The following DOCK9 variants were observed in gnomAD, a reference collection of about 807,000 sequenced individuals.
DOCK9 encodes dedicator of cytokinesis protein 9.
A neutral mutation model predicts 263.3 loss-of-function variants in DOCK9; 89 were observed. The ratio of observed to expected loss-of-function variants is 0.34; its 90% confidence interval spans 0.28 to 0.40. The LOEUF is 0.40. Ranked by LOEUF, DOCK9 falls within the 10% of genes least tolerant of loss-of-function variation. The probability of loss-of-function intolerance (pLI) is 1.00; values close to 1 mark genes in which losing one functional copy is unlikely to be tolerated. For missense variants in DOCK9, 2,140 were observed against 2,603.4 expected, an observed-to-expected ratio of 0.82 and a Z score of 3.87; for synonymous variants, 976 against 973.1, an observed-to-expected ratio of 1.00 and a Z score of -0.06.
chr13:98,901,668 T>C, intron 13 of DOCK9, 110 bp downstream of exon 13: 1 of 1,243,826 alleles, frequency 8.0e-7, no homozygotes, highest in Non-Finnish European at 1.1e-6. Context: ...CTACATCTTT[T>C]AGAGTATAAA....
chr13:98,921,034 A>T lies in DOCK9; in HGVS notation c.637T>A (p.Leu213Met), dbSNP rs752934141. The T allele has an allele frequency of 5.0e-6, 8 of 1,602,180 alleles. No homozygotes were observed. Among genetic ancestry groups the T allele is most frequent in the Non-Finnish European group, 6.8e-6 (8 of 1,173,584 alleles). Residue 213 changes from leucine (L) to methionine (M), a missense_variant, in exon 7 of 53, where the codon TTG (leucine) becomes ATG (methionine). Leu to Met is a conservative substitution (Grantham distance 15). This residue lies in a region of DOCK9 where 1,521 missense variants were observed against 1,741.7 expected (regional missense o/e 0.87). Transcript: ENST00000682017. Reference protein sequence around the residue: ...LIQLGDGSYNLNFYKDEKISK... With the variant: ...LIQLGDGSYNMNFYKDEKISK... ...ATCTTTTCATCTTTATAAAAATTCAAATTATAGGATCCATCGCCAAGTTGA... is the reference window on the plus strand; with the variant it reads ...ATCTTTTCATCTTTATAAAAATTCATATTATAGGATCCATCGCCAAGTTGA...
At chr13:98,818,850 TGC>T (rs951308711) in intron 45 of DOCK9, among the ~76,000 whole-genome samples, 4 of 152,044 alleles carry the variant, frequency 2.6e-5, no homozygotes, top group African/African-American at 4.8e-5. Flanking sequence ...TGTGTGTGTG[TGC>T]GCACACATGT....
In DOCK9 at chr13:98,915,476, C is replaced by G; in HGVS notation, c.745G>C (p.Glu249Gln). ...CTACTTTTGTCCTGCATCTTGAGCTCAAAAGCAAAACGCCTGACTTTGTTG... is the reference window on the plus strand; with the variant it reads ...CTACTTTTGTCCTGCATCTTGAGCTGAAAAGCAAAACGCCTGACTTTGTTG... ...QNNKVRRFAF[E>Q]LKMQDKSSYL... Residue 249 changes from glutamate to glutamine, a missense_variant, in exon 8 of 53, where the codon GAG (glutamate) becomes CAG (glutamine). By Grantham distance (29) the Glu-to-Gln change is conservative. Transcript: ENST00000682017. The G allele has an allele frequency of 6.2e-7, 1 of 1,612,852 alleles. No individual in the cohort carries two copies. Among genetic ancestry groups the G allele is most frequent in the Non-Finnish European group, 8.5e-7 (1 of 1,179,544 alleles).
chr13:98,820,023 C>T (rs1344441385), intron 45 of DOCK9, among the ~76,000 whole-genome samples: 1 of 152,178 alleles, frequency 6.6e-6, no homozygotes, highest in Non-Finnish European at 1.5e-5. Flanking sequence ...AGTCAGTTCT[C>T]GTCATCTGAG....
At chr13:98,826,213 C>T (rs1034928134) in intron 44 of DOCK9, among the ~76,000 whole-genome samples, 14 of 152,148 alleles carry the variant, frequency 9.2e-5, no homozygotes, top group African/African-American at 3.1e-4. Context: ...TTTCTAAGAA[C>T]CTCAGTATTC....
rs1289315 is a variant in DOCK9, at chr13:98,797,501, G to A, written c.5917-12C>T. 977,040 of 1,596,728 alleles carry A rather than the reference G, an allele frequency of 0.61. 304,075 individuals carry two copies. Among genetic ancestry groups the A allele is most frequent in the Non-Finnish European group, 0.65 (756,253 of 1,169,934 alleles). The stretch of plus-strand genomic sequence containing the variant: ...GGGCCAGCATTGACCTAGACAAAGA[G>A]CAAAGATTTTCAGTTCCACTAGGAA... On this transcript the variant is annotated splice_polypyrimidine_tract_variant and intron_variant, in intron 50 of 52. Transcript: ENST00000682017.
chr13:98,836,052 A>G (rs1197205048), intron 39 of DOCK9, among the ~76,000 whole-genome samples: 1 of 152,044 alleles, frequency 6.6e-6, no homozygotes, highest in Non-Finnish European at 1.5e-5. Context: ...CTTTACTATT[A>G]AGCAAGCAAC....
intron 1 of DOCK9, among the ~76,000 whole-genome samples, chr13:98,968,752 C>A (rs1297257674): frequency 6.6e-6 from 1 of 152,224 alleles, no homozygotes; most frequent in Admixed American, 6.5e-5. Context: ...GGACAGTCCA[C>A]TTCCTGAAAT....
chr13:98,945,590 C>T (rs2056599814), intron 2 of DOCK9, among the ~76,000 whole-genome samples: 1 of 152,208 alleles, frequency 6.6e-6, no homozygotes, highest in Admixed American at 6.5e-5. Flanking sequence ...CTCACTCTCA[C>T]CTACATCCTG....
At chr13:99,067,209 G>C (rs992566788) in intron 1 of DOCK9, among the ~76,000 whole-genome samples, 1 of 152,182 alleles carries the variant, frequency 6.6e-6, no homozygotes, top group African/African-American at 2.4e-5. Flanking sequence ...CAAGGATAGT[G>C]TCTTCACCAA....
chr13:98,950,361 C>T (rs1334856367), intron 2 of DOCK9: 3 of 935,570 alleles, frequency 3.2e-6, no homozygotes, highest in Non-Finnish European at 5.0e-6. Flanking sequence ...CCTGCTTTGC[C>T]TGAGTGGCTT....
intron 1 of DOCK9, among the ~76,000 whole-genome samples, chr13:98,974,656 A>G (rs1349230390): frequency 6.8e-6 from 1 of 147,438 alleles, no homozygotes; most frequent in Non-Finnish European, 1.5e-5. Context: ...AGGCTGAGAC[A>G]GGAGAATCGC....
chr13:98,919,973 G>C (rs961359576), intron 7 of DOCK9, among the ~76,000 whole-genome samples: 5 of 152,204 alleles, frequency 3.3e-5, no homozygotes, highest in Non-Finnish European at 7.3e-5. Flanking sequence ...CTTATAAGCT[G>C]CTGCCTTAAA....
upstream of DOCK9, among the ~76,000 whole-genome samples, chr13:98,981,658 T>C (rs1312638908): frequency 6.6e-6 from 1 of 152,160 alleles, no homozygotes; most frequent in Non-Finnish European, 1.5e-5. Flanking sequence ...TCACACAACT[T>C]CTCAGGCAGT....
upstream of DOCK9, among the ~76,000 whole-genome samples, chr13:98,980,287 GC>G (rs1239603341): frequency 6.6e-6 from 1 of 152,246 alleles, no homozygotes; most frequent in Non-Finnish European, 1.5e-5. Flanking sequence ...GCTGGCTATG[GC>G]CCATGCCTGT....
Position 98,820,669 on chromosome 13 carries a change from T to G in DOCK9, c.5130+3729A>C, listed in dbSNP as rs571595122. ...TGTGATAAAGGATTAATTTTCTTAA[T>G]TACTGTATTTTGCAAAAATCGATAT... On this transcript the variant is annotated intron_variant, in intron 45 of 52. Coordinates refer to ENST00000682017, the MANE Select transcript of DOCK9 (RefSeq NM_001366683.2). 1.2e-5 allele frequency: 5 copies of G among 434,650 alleles called. No homozygotes were observed. In the East Asian group the frequency reaches 3.8e-4, roughly 33 times the overall value. The allele number at this position is 434,650 out of a possible 1,614,324, so 26.9% of individuals were successfully genotyped here. A position where few individuals can be genotyped will look rare whatever the true frequency, so the allele number is the denominator to read the frequency against.
rs2050703511 is a variant in DOCK9 at position 98,915,267 on chromosome 13, C to T, written c.892+62G>A. 11 of 1,538,068 alleles carry T rather than the reference C, an allele frequency of 7.2e-6. No homozygotes were observed. In the South Asian group the frequency reaches 8.9e-5, roughly 12 times the overall value. On this transcript the variant is annotated intron_variant, in intron 8 of 52. Transcript: ENST00000682017. ...ACACAGGTCTCCTTCTTATACCCAC[C>T]TGGCAAAAATAAAGACACCCACAGA...
chr13:98,956,185 G>A (rs1366921479), intron 1 of DOCK9, among the ~76,000 whole-genome samples: 2 of 152,206 alleles, frequency 1.3e-5, no homozygotes, highest in Non-Finnish European at 2.9e-5. Flanking sequence ...AGGGGATGGG[G>A]ACGTCCATCC....
chr13:99,061,761 C>T (rs1203797972), intron 1 of DOCK9, among the ~76,000 whole-genome samples: 1 of 152,102 alleles, frequency 6.6e-6, no homozygotes, highest in Non-Finnish European at 1.5e-5. Flanking sequence ...CCATGCCTTT[C>T]TATCCCATTC....
Sources: gnomAD v4.1 joint callset for allele counts (sites outside exome capture counted in the v4.1 genomes callset) on GRCh38, gnomAD v4.1.1 for gene constraint, gnomAD v4.1.1 regional missense constraint, MANE v1.5 for transcripts, NCBI Gene and HGNC (gene_info 2026-07-23, HGNC 2026-07-21) for gene names.